The following CD101 variants were observed in gnomAD, a reference collection of about 807,000 sequenced individuals.
CD101 encodes CD101 molecule.
CD101 carries 76 observed loss-of-function variants against 98.2 expected under a neutral mutation model. The observed-to-expected ratio is 0.77, with a 90% CI of 0.64 to 0.94. The LOEUF (loss-of-function observed/expected upper bound fraction) is 0.94, where lower values mean the gene tolerates loss of function less well. CD101 is among the 40% of genes least tolerant of loss of function. The probability of loss-of-function intolerance (pLI) is 0.00; values close to 1 mark genes in which losing one functional copy is unlikely to be tolerated. For missense variants in CD101, 1,145 were observed against 1,218.8 expected (o/e 0.94, Z 0.90); for synonymous variants, 471 against 472.7 (o/e 1.00, Z 0.05).
rs1379004298 is a variant in CD101 at position 117,021,342 on chromosome 1, T to C, written c.2018-231T>C. On this transcript the variant is annotated intron_variant, in intron 6 of 9. Transcript: ENST00000682167. The surrounding 1 kb of genome is among the most constrained non-coding windows in gnomAD (Gnocchi z 4.7). ...AAGTTATGAAGAGATAAAGTTCAACTTGATATCAGAAAGCATTCTGGAGGG... is the reference window on the plus strand; with the variant it reads ...AAGTTATGAAGAGATAAAGTTCAACCTGATATCAGAAAGCATTCTGGAGGG... Among the ~76,000 whole-genome samples, 1 of 152,134 alleles carries C rather than the reference T, an allele frequency of 6.6e-6. No individual in the cohort carries two copies. The highest frequency in any genetic ancestry group is 1.5e-5 in the Non-Finnish European group (1 of 68,028).
At chr1:117,035,615 C>T (rs1350395792) in intron 9 of CD101, among the ~76,000 whole-genome samples, 1 of 149,590 alleles carries the variant, frequency 6.7e-6, no homozygotes, top group Non-Finnish European at 1.5e-5. Flanking sequence ...AGTGGTGTGA[C>T]CTGGGCTCAC....
chr1:117,005,633 T>C lies in CD101; in HGVS notation c.43+3773T>C, dbSNP rs1346091129. Reference sequence around the variant, plus strand: ...CCATCCCCTAAAGAGAGAAATTCCCTAGTAATCTCTCCTTAGTCCTCTTCC... The same window carrying C: ...CCATCCCCTAAAGAGAGAAATTCCCCAGTAATCTCTCCTTAGTCCTCTTCC... On this transcript the variant is annotated intron_variant, in intron 1 of 9. Transcript: ENST00000682167. This position sits in a 1 kb window ranked among gnomAD's most constrained non-coding sequence, Gnocchi z 4.4. 6.6e-6 allele frequency among the ~76,000 whole-genome samples: 1 copy of C among 152,186 alleles called. No individual in the cohort carries two copies. Among genetic ancestry groups the C allele is most frequent in the Non-Finnish European group, 1.5e-5 (1 of 68,026 alleles).
Position 117,005,214 on chromosome 1 carries a change from T to G in CD101, c.43+3354T>G, listed in dbSNP as rs376265715. ...CCCTGTCATCCCTCTACTAGGACAT[T>G]ACTTCATTCATCCTCCTTGCTGGCT... On this transcript the variant is annotated intron_variant, in intron 1 of 9. Transcript: ENST00000682167. The surrounding 1 kb of genome is among the most constrained non-coding windows in gnomAD (Gnocchi z 4.4). 2.0e-5 allele frequency among the ~76,000 whole-genome samples: 3 copies of G among 152,064 alleles called. No individual in the cohort carries two copies. The highest frequency in any genetic ancestry group is 3.9e-4 in the East Asian group (2 of 5,188).
rs1275205737 is a variant in CD101, at chr1:117,011,923, C to G, written c.798C>G (p.Thr266=). 1.2e-6 allele frequency: 2 copies of G among 1,613,616 alleles called. No individual in the cohort carries two copies. Among genetic ancestry groups the G allele is most frequent in the African/African-American group, 2.7e-5 (2 of 74,840 alleles). The change falls in exon 3 of 10, where the codon ACC becomes ACG. Residue 266 remains threonine (T), a synonymous_variant. Coordinates refer to ENST00000682167, the MANE Select transcript of CD101 (RefSeq NM_001256106.3). ...QDPDETWMFI[T]KKQTDQTTLR... ...CAGATGAAACTTGGATGTTCATCACCAAAAAGCAGACCGATCAAACCACTC... is the reference window on the plus strand; with the variant it reads ...CAGATGAAACTTGGATGTTCATCACGAAAAAGCAGACCGATCAAACCACTC...
chr1:117,029,220 A>AG (rs1654229496), intron 8 of CD101, among the ~76,000 whole-genome samples: 3 of 45,240 alleles, frequency 6.6e-5, no homozygotes, highest in Non-Finnish European at 1.2e-4. Flanking sequence ...AAGAAAAGAA[A>AG]GAAAGAAAGA....
intron 8 of CD101, among the ~76,000 whole-genome samples, chr1:117,029,354 G>T (rs2101159506): frequency 6.6e-6 from 1 of 152,240 alleles, no homozygotes; most frequent in South Asian, 2.1e-4. Context: ...GGAAGAAAAA[G>T]ATTAATAGAA....
rs1653444187 is a variant in CD101 at position 117,019,549 on chromosome 1, T to TTTA, written c.2017+992_2017+994dup. 6.6e-6 allele frequency among the ~76,000 whole-genome samples: 1 copy of TTTA among 152,228 alleles called. No homozygotes were observed. The highest frequency in any genetic ancestry group is 1.5e-5 in the Non-Finnish European group (1 of 68,034). Reference sequence around the variant, plus strand: ...AGATTTTCATTTTCTCCTCCACTGATTTATTCTTTAAAGAAAACAGTTTCT... The same window carrying TTTA: ...AGATTTTCATTTTCTCCTCCACTGATTTATTATTCTTTAAAGAAAACAGTTTCT... On this transcript the variant is annotated intron_variant, in intron 6 of 9. Transcript: ENST00000682167. The surrounding 1 kb of genome is among the most constrained non-coding windows in gnomAD (Gnocchi z 4.3).
rs1652889129 is a variant in CD101, at chr1:117,011,573, A to G, written c.448A>G (p.Thr150Ala). 1.2e-6 allele frequency: 2 copies of G among 1,613,642 alleles called. No homozygotes were observed. Among genetic ancestry groups the G allele is most frequent in the Non-Finnish European group, 1.7e-6 (2 of 1,179,810 alleles). Residue 150 changes from threonine to alanine, a missense_variant, in exon 3 of 10, where the codon ACC becomes GCC. Coordinates refer to ENST00000682167, the MANE Select transcript of CD101 (RefSeq NM_001256106.3). ...LIVIPDTLSA[T>A]MSSQTLGKEE... is the part of the protein sequence containing the mutation. ...AGTTATTCCAGATACCCTCTCTGCC[A>G]CCATGAGTTCTCAGACTCTCGGTAA...
At chr1:117,008,457 C>T (rs1055588529) in intron 1 of CD101, among the ~76,000 whole-genome samples, 1 of 150,602 alleles carries the variant, frequency 6.6e-6, no homozygotes, top group African/African-American at 2.4e-5. Context: ...AGAGCAAGAC[C>T]GTGTCAAAAA....
chr1:117,011,482 C>T (rs17229354), intron 2 of CD101, 68 bp from the exon 3 acceptor site: 29,565 of 1,366,696 alleles, frequency 0.022, 375 homozygotes, highest in Middle Eastern at 0.029. Context: ...TAGCTCAGGG[C>T]GCCATCTAAG....
In CD101 at chr1:117,010,687, A is replaced by G. The variant is rs994339510; in HGVS notation, c.424+457A>G. On this transcript the variant is annotated intron_variant, in intron 2 of 9. Coordinates refer to ENST00000682167, the MANE Select transcript of CD101 (RefSeq NM_001256106.3). The surrounding 1 kb of genome is among the most constrained non-coding windows in gnomAD (Gnocchi z 5.2). Reference sequence around the variant, plus strand: ...TTGGGAAAGGGTGATAGTCCTTGCAATTGTCACTTTGTCCCTTTGTCTGGA... The same window carrying G: ...TTGGGAAAGGGTGATAGTCCTTGCAGTTGTCACTTTGTCCCTTTGTCTGGA... 1.3e-5 allele frequency among the ~76,000 whole-genome samples: 2 copies of G among 152,222 alleles called. No homozygotes were observed. Among genetic ancestry groups the G allele is most frequent in the African/African-American group, 2.4e-5 (1 of 41,458 alleles).
chr1:117,026,165 C>G (rs1653911244), intron 8 of CD101: 4 of 370,500 alleles, frequency 1.1e-5, no homozygotes, highest in Admixed American at 8.4e-5. Context: ...TGCTGGGGTT[C>G]AGGGAGAAGG....
chr1:117,018,499 C>T lies in CD101; in HGVS notation c.1956C>T (p.Asn652=). ...VEVYDRNSLY[N]NRPPRASAIS... is the part of the protein sequence containing the mutation. ...TTTATGACAGAAATTCCCTATACAA[C>T]AACCGCCCCCCGAGGGCTTCTGCCA... The change falls in exon 6 of 10, where the codon AAC becomes AAT. Residue 652 remains asparagine (N), a synonymous_variant. Coordinates refer to ENST00000682167, the MANE Select transcript of CD101 (RefSeq NM_001256106.3). This position sits in a 1 kb window ranked among gnomAD's most constrained non-coding sequence, Gnocchi z 4.3. 1.2e-6 allele frequency: 2 copies of T among 1,613,676 alleles called. No individual in the cohort carries two copies. Among genetic ancestry groups the T allele is most frequent in the Non-Finnish European group, 1.7e-6 (2 of 1,179,604 alleles).
In CD101 at chr1:117,009,859, G is replaced by T; in HGVS notation, c.53G>T (p.Ser18Ile). 6.3e-7 allele frequency: 1 copy of T among 1,599,726 alleles called. No homozygotes were observed. The highest frequency in any genetic ancestry group is 8.6e-7 in the Non-Finnish European group (1 of 1,169,028). ...TTCTCCTACTTACAAGCTAAGCTCA[G>T]CATTGGCCAGAGAGAAGTAACAGTT... Reference protein sequence around the residue: ...ASFFLLLTKLSIGQREVTVQK... With the variant: ...ASFFLLLTKLIIGQREVTVQK... Residue 18 changes from serine to isoleucine, a missense_variant, in exon 2 of 10, where the codon AGC (serine) becomes ATC (isoleucine). Ser to Ile is a moderately radical substitution (Grantham distance 142, BLOSUM62 -2). Transcript: ENST00000682167.
chr1:117,030,912 G>A (rs559734342), intron 8 of CD101, among the ~76,000 whole-genome samples: 2 of 152,158 alleles, frequency 1.3e-5, no homozygotes, highest in Non-Finnish European at 2.9e-5. Context: ...GCTTGGCTGT[G>A]GGTGGAAGCA....
Position 117,006,644 on chromosome 1 carries a change from A to G in CD101, c.44-3206A>G, listed in dbSNP as rs1196705160. The stretch of plus-strand genomic sequence containing the variant: ...TCTGTCTCCCCACTTACCTTGTCAT[A>G]ATCTTCCCAATTCTCCAAAATCCAT... On this transcript the variant is annotated intron_variant, in intron 1 of 9. Coordinates refer to ENST00000682167, the MANE Select transcript of CD101 (RefSeq NM_001256106.3). The surrounding 1 kb of genome is among the most constrained non-coding windows in gnomAD (Gnocchi z 4.4). Among the ~76,000 whole-genome samples the G allele has an allele frequency of 6.6e-6, 1 of 151,668 alleles. No individual in the cohort carries two copies. The highest frequency in any genetic ancestry group is 1.5e-5 in the Non-Finnish European group (1 of 67,968).
At chr1:117,035,876 C>A (rs1654789059) in intron 9 of CD101, among the ~76,000 whole-genome samples, 2 of 152,104 alleles carry the variant, frequency 1.3e-5, no homozygotes, top group African/African-American at 2.4e-5. Context: ...AGTGTGATGA[C>A]CCCCTGCCCC....
intron 1 of CD101, among the ~76,000 whole-genome samples, chr1:117,008,009 GAAAAGTGTCTTAAACTGCCACTGT>G (rs1652642768): frequency 6.6e-6 from 1 of 152,142 alleles, no homozygotes; most frequent in South Asian, 2.1e-4. Context: ...CGACATTACT[GAAAAGTGTCTTAAACTGCCACTGT>G]AGTATAACTT....
At chr1:117,020,429 A>T (rs1653510280) in intron 6 of CD101, among the ~76,000 whole-genome samples, 1 of 152,138 alleles carries the variant, frequency 6.6e-6, no homozygotes, top group Non-Finnish European at 1.5e-5. Context: ...CTGTAGTCCC[A>T]GCTACTCAGG....
Sources: allele counts gnomAD v4.1 joint callset (sites outside exome capture counted in the v4.1 genomes callset), GRCh38; gene constraint gnomAD v4.1.1; non-coding constraint Gnocchi (gnomAD v3.1); transcripts MANE v1.5; gene names NCBI Gene and HGNC (gene_info 2026-07-23, HGNC 2026-07-21).